CUBN: variants seen among roughly 807,000 people sequenced by gnomAD.
The protein encoded by CUBN is 460 kDa receptor.
CUBN carries 282 observed loss-of-function variants against 405.3 expected under a neutral mutation model. That is an observed-to-expected ratio of 0.70 (90% CI 0.63 to 0.77). The LOEUF (loss-of-function observed/expected upper bound fraction) is 0.77, where lower values mean the gene tolerates loss of function less well. CUBN is among the 30% of genes least tolerant of loss of function. CUBN has a pLI of 0.00. For missense variants in CUBN, 4,514 were observed against 4,475.2 expected, an observed-to-expected ratio of 1.01 and a Z score of -0.25; for synonymous variants, 1,684 against 1,617.0, an observed-to-expected ratio of 1.04 and a Z score of -0.99.
intron 31 of CUBN, among the ~76,000 whole-genome samples, chr10:16,976,591 A>G (rs1833104229): frequency 6.6e-6 from 1 of 151,704 alleles, no homozygotes; most frequent in East Asian, 1.9e-4. Context: ...GATGACTTCC[A>G]CCAGTTTTGG....
At chr10:17,005,746 C>G (rs958798677) in intron 28 of CUBN, among the ~76,000 whole-genome samples, 4 of 152,180 alleles carry the variant, frequency 2.6e-5, no homozygotes, top group African/African-American at 9.7e-5. Flanking sequence ...ACTAACTCCC[C>G]AAAGTCAAGA....
chr10:17,035,110 A>T (rs530067414), intron 27 of CUBN, among the ~76,000 whole-genome samples: 2 of 152,052 alleles, frequency 1.3e-5, no homozygotes, highest in East Asian at 3.9e-4. Flanking sequence ...TGAAAACGCA[A>T]TTGAAAAAGG....
chr10:16,902,287 CAT>C (rs1453996045), intron 51 of CUBN, among the ~76,000 whole-genome samples: 1 of 128,364 alleles, frequency 7.8e-6, no homozygotes, highest in Non-Finnish European at 1.6e-5. Flanking sequence ...ATATATAGTA[CAT>C]ATATATTTGT....
chr10:16,900,132 T>G (rs114172757), intron 53 of CUBN, among the ~76,000 whole-genome samples: 1,643 of 152,322 alleles, frequency 0.011, 28 homozygotes, highest in African/African-American at 0.038. Context: ...TCTTCAACAG[T>G]TTCCCATTGT....
Position 17,023,392 on chromosome 10 carries a change from A to C in CUBN, c.4018-3409T>G, listed in dbSNP as rs78893392. Among the ~76,000 whole-genome samples the C allele has an allele frequency of 2.9e-4, 44 of 150,418 alleles. 6 individuals are homozygous for C. Among genetic ancestry groups the C allele is most frequent in the Admixed American group, 1.5e-3 (22 of 15,014 alleles). ...TGTCTCGAAAAGGAAAAAAAAAAAA[A>C]CTCATACCTCGTTTTTTAAAGTTTG... On this transcript the variant is annotated intron_variant, in intron 27 of 66. Coordinates refer to ENST00000377833, the MANE Select transcript of CUBN (RefSeq NM_001081.4).
At position 16,950,055 on chromosome 10, in the gene CUBN, C is replaced by T. The variant is rs779721468; in HGVS notation, c.5026G>A (p.Ala1676Thr). Residue 1676 changes from alanine to threonine, a missense_variant, in exon 34 of 67, where the codon GCA (alanine) becomes ACA (threonine). By Grantham distance (58) the Ala-to-Thr change is moderately conservative (BLOSUM62 0). Around this residue, in one of 5 missense-constraint regions of CUBN, gnomAD observed 1,613 missense variants for 1,542.8 expected, o/e 1.05. Transcript: ENST00000377833. ...HFELERSTTC[A>T]RDFVEILDGG... is the part of the protein sequence containing the mutation. ...TCCAAAATTTCTACAAAGTCACGTG[C>T]ACACGTTGTGCTTCTTTCAAGTTCA... The T allele has an allele frequency of 6.2e-7, 1 of 1,614,032 alleles. No individual in the cohort carries two copies. Among genetic ancestry groups the T allele is most frequent in the East Asian group, 2.2e-5 (1 of 44,864 alleles).
At chr10:16,848,475 C>T (rs1316996489) in intron 60 of CUBN, among the ~76,000 whole-genome samples, 1 of 152,110 alleles carries the variant, frequency 6.6e-6, no homozygotes, top group Non-Finnish European at 1.5e-5. Context: ...TCAAAACTGC[C>T]TTTCACAGTA....
At position 16,835,000 on chromosome 10, in the gene CUBN, C is replaced by A. The variant is rs1034347553; in HGVS notation, c.10362+14G>T. On this transcript the variant is annotated intron_variant, in intron 64 of 66. Transcript: ENST00000377833. ...TTAAATAATTCATTCAAACGATATT[C>A]AAATGCATATCACCTCCAAGAAATC... The A allele has an allele frequency of 6.2e-7, 1 of 1,610,074 alleles. No homozygotes were observed. Among genetic ancestry groups the A allele is most frequent in the Admixed American group, 1.7e-5 (1 of 59,996 alleles).
chr10:16,864,948 C>CA (rs1840130356), intron 59 of CUBN, among the ~76,000 whole-genome samples: 1 of 50,024 alleles, frequency 2.0e-5, no homozygotes, highest in Non-Finnish European at 3.4e-5. Context: ...CCATGCCCAG[C>CA]TTTTTTTTTT....
chr10:16,969,596 G>T (rs962127249), intron 31 of CUBN, among the ~76,000 whole-genome samples: 3 of 152,078 alleles, frequency 2.0e-5, no homozygotes, highest in Non-Finnish European at 2.9e-5. Flanking sequence ...CTCATGATCC[G>T]CCTGCCTTGG....
intron 51 of CUBN, among the ~76,000 whole-genome samples, chr10:16,901,962 C>A (rs1192494251): frequency 8.2e-6 from 1 of 121,848 alleles, no homozygotes; most frequent in Non-Finnish European, 1.7e-5. Flanking sequence ...TATATATACA[C>A]CATATATAGT....
chr10:16,911,272 T>A (rs1008070187), intron 48 of CUBN, among the ~76,000 whole-genome samples: 1 of 152,104 alleles, frequency 6.6e-6, no homozygotes, highest in Admixed American at 6.5e-5. Context: ...CTTGGCTCAG[T>A]TGTGAATGGT....
At chr10:17,019,318 C>G (rs190824849) in intron 28 of CUBN, among the ~76,000 whole-genome samples, 1 of 152,314 alleles carries the variant, frequency 6.6e-6, no homozygotes, top group Non-Finnish European at 1.5e-5. Context: ...ACAAGTACAA[C>G]ACATGCCCCT....
intron 34 of CUBN, among the ~76,000 whole-genome samples, chr10:16,949,464 TA>T (rs66863667): frequency 0.037 from 2,638 of 71,638 alleles, 82 homozygotes; most frequent in African/African-American, 0.073. Flanking sequence ...TGTGTGTGTG[TA>T]GTGTGTGTGT....
In CUBN at chr10:16,874,562, T is replaced by C. The variant is rs150147266; in HGVS notation, c.9107-59A>G. On this transcript the variant is annotated intron_variant, in intron 57 of 66. Coordinates refer to ENST00000377833, the MANE Select transcript of CUBN (RefSeq NM_001081.4). Reference sequence around the variant, plus strand: ...AACGATTAGTCCCAGCATGGAAAAATGATTTTAAGAGATTCTATACTATTG... The same window carrying C: ...AACGATTAGTCCCAGCATGGAAAAACGATTTTAAGAGATTCTATACTATTG... 24 of 1,601,020 alleles carry C rather than the reference T, an allele frequency of 1.5e-5. No individual in the cohort carries two copies. The African/African-American group carries it at 2.7e-4, about 18-fold the overall frequency.
At chr10:17,125,603 A>C (rs1245605071) in intron 4 of CUBN, among the ~76,000 whole-genome samples, 1 of 152,226 alleles carries the variant, frequency 6.6e-6, no homozygotes, top group African/African-American at 2.4e-5. Flanking sequence ...TTAAAAGCCT[A>C]CAGGGGCCTA....
intron 28 of CUBN, among the ~76,000 whole-genome samples, chr10:17,002,074 A>C (rs1339794896): frequency 6.6e-6 from 1 of 152,184 alleles, no homozygotes; most frequent in Non-Finnish European, 1.5e-5. Flanking sequence ...AAGTCCTTGG[A>C]TATGTAATGT....
rs2131453305 is a variant in CUBN, at chr10:16,913,895, A to G, written c.7449T>C (p.Thr2483=). ...GGGTGATCCGCCTTCCCTCCGGGGC[A>G]GTGATTCTCCACTCGCAGATCCGGC... is the stretch of plus-strand genomic sequence containing the variant. ...PHGRICEWRI[T]APEGRRITLM... Residue 2483 remains threonine (T), a synonymous_variant, in exon 48 of 67, where the codon ACT becomes ACC. Coordinates refer to ENST00000377833, the MANE Select transcript of CUBN (RefSeq NM_001081.4). 2 of 1,614,106 alleles carry G rather than the reference A, an allele frequency of 1.2e-6. No homozygotes were observed. The highest frequency in any genetic ancestry group is 1.7e-6 in the Non-Finnish European group (2 of 1,180,008).
At chr10:16,961,649 T>C (rs1159764571) in intron 31 of CUBN, among the ~76,000 whole-genome samples, 2 of 151,652 alleles carry the variant, frequency 1.3e-5, no homozygotes, top group Non-Finnish European at 2.9e-5. Flanking sequence ...TTTAAAAGCA[T>C]GTTGCATTAT....
Sources: gnomAD v4.1 joint callset for allele counts (sites outside exome capture counted in the v4.1 genomes callset) on GRCh38, gnomAD v4.1.1 for gene constraint, gnomAD v4.1.1 regional missense constraint, MANE v1.5 for transcripts, NCBI Gene and HGNC (gene_info 2026-07-23, HGNC 2026-07-21) for gene names.